ARHGAP24: variants seen among roughly 807,000 people sequenced by gnomAD.
ARHGAP24 encodes rho GTPase-activating protein 24.
A neutral mutation model predicts 76.4 loss-of-function variants in ARHGAP24; 50 were observed. That is an observed-to-expected ratio of 0.65 (90% CI 0.52 to 0.83). The LOEUF (loss-of-function observed/expected upper bound fraction) is 0.83. Among genes scored for constraint, ARHGAP24 ranks in the 40% least tolerant of loss-of-function variants. The pLI is 0.00. For synonymous variants in ARHGAP24, 345 were observed against 323.3 expected, an observed-to-expected ratio of 1.07 and a Z score of -0.72; for missense variants, 930 against 914.2, an observed-to-expected ratio of 1.02 and a Z score of -0.22.
chr4:85,859,207 A>T (rs1419742696), intron 3 of ARHGAP24, among the ~76,000 whole-genome samples: 5 of 101,858 alleles, frequency 4.9e-5, no homozygotes, highest in African/African-American at 1.3e-4. Context: ...ACATAGCCAC[A>T]TGCATACACA....
chr4:85,633,594 A>G (rs1721227180), intron 2 of ARHGAP24, among the ~76,000 whole-genome samples: 3 of 152,056 alleles, frequency 2.0e-5, no homozygotes, highest in South Asian at 4.1e-4. Context: ...TAGCGGAGTG[A>G]TATTTACAAT....
chr4:85,788,632 A>G (rs1727968525), intron 3 of ARHGAP24, among the ~76,000 whole-genome samples: 1 of 152,192 alleles, frequency 6.6e-6, no homozygotes, highest in Non-Finnish European at 1.5e-5. Context: ...TATATTTCAT[A>G]CAAATTCTGG....
At chr4:85,632,731 G>C (rs1257740534) in intron 2 of ARHGAP24, among the ~76,000 whole-genome samples, 1 of 151,894 alleles carries the variant, frequency 6.6e-6, no homozygotes. Context: ...GCCTCTCCAA[G>C]CTCCATTTTG....
intron 2 of ARHGAP24, among the ~76,000 whole-genome samples, chr4:85,596,769 G>A (rs923730464): frequency 6.6e-6 from 1 of 151,970 alleles, no homozygotes; most frequent in Non-Finnish European, 1.5e-5. Flanking sequence ...TCTAAAAAAA[G>A]AAGCTATTAC....
intron 2 of ARHGAP24, among the ~76,000 whole-genome samples, chr4:85,614,687 C>A (rs1213297294): frequency 6.6e-6 from 1 of 152,050 alleles, no homozygotes; most frequent in South Asian, 2.1e-4. Context: ...TTTTAGCCAT[C>A]TTAATTAGTA....
chr4:85,698,461 A>G (rs919166456), intron 2 of ARHGAP24, among the ~76,000 whole-genome samples: 1 of 152,238 alleles, frequency 6.6e-6, no homozygotes, highest in African/African-American at 2.4e-5. Flanking sequence ...TTTGGGAGGC[A>G]CTATAAATTG....
chr4:85,588,903 T>C (rs1727972956), intron 2 of ARHGAP24, among the ~76,000 whole-genome samples: 1 of 152,248 alleles, frequency 6.6e-6, no homozygotes, highest in East Asian at 1.9e-4. Context: ...ATGAAGTTTC[T>C]AATTTAATGT....
intron 2 of ARHGAP24, among the ~76,000 whole-genome samples, chr4:85,651,178 C>A (rs1480617440): frequency 1.3e-5 from 2 of 149,154 alleles, no homozygotes; most frequent in African/African-American, 5.2e-5. Flanking sequence ...AGAGGCAGGC[C>A]TGAGATCATG....
intron 1 of ARHGAP24, among the ~76,000 whole-genome samples, chr4:85,553,404 T>G (rs919276586): frequency 6.6e-6 from 1 of 152,048 alleles, no homozygotes; most frequent in Admixed American, 6.6e-5. Context: ...CCATTTTACA[T>G]AGTGCTGATT....
At chr4:85,788,745 T>C (rs1167682847) in intron 3 of ARHGAP24, among the ~76,000 whole-genome samples, 2 of 152,164 alleles carry the variant, frequency 1.3e-5, no homozygotes, top group Non-Finnish European at 2.9e-5. Context: ...CTCAAAAGGA[T>C]TGTTGCTTGG....
chr4:85,541,849 TCAAA>T (rs1725718088), intron 1 of ARHGAP24, among the ~76,000 whole-genome samples: 1 of 152,058 alleles, frequency 6.6e-6, no homozygotes, highest in Non-Finnish European at 1.5e-5. Flanking sequence ...GAGTTGGACC[TCAAA>T]CAATGAGCTT....
chr4:85,542,441 C>T (rs1342966253), intron 1 of ARHGAP24, among the ~76,000 whole-genome samples: 3 of 152,178 alleles, frequency 2.0e-5, no homozygotes, highest in African/African-American at 7.2e-5. Flanking sequence ...CATCTTTCTC[C>T]TCTCAGTCCC....
intron 1 of ARHGAP24, among the ~76,000 whole-genome samples, chr4:85,514,061 C>G (rs777373229): frequency 2.6e-5 from 4 of 152,168 alleles, no homozygotes; most frequent in Non-Finnish European, 4.4e-5. Context: ...TGTGGAATGA[C>G]CCATTTAAAG....
intron 3 of ARHGAP24, among the ~76,000 whole-genome samples, chr4:85,885,868 C>A (rs954417327): frequency 1.3e-5 from 2 of 151,990 alleles, no homozygotes; most frequent in African/African-American, 2.4e-5. Flanking sequence ...TATTTATTAT[C>A]TTTTATAACT....
chr4:85,595,454 T>A (rs2109984129), intron 2 of ARHGAP24, among the ~76,000 whole-genome samples: 1 of 152,234 alleles, frequency 6.6e-6, no homozygotes, highest in South Asian at 2.1e-4. Context: ...AAGCCAAGCT[T>A]ACCTATGTTG....
At chr4:85,675,839 A>G (rs936150447) in intron 2 of ARHGAP24, among the ~76,000 whole-genome samples, 1 of 152,178 alleles carries the variant, frequency 6.6e-6, no homozygotes, top group African/African-American at 2.4e-5. Flanking sequence ...ACTCAAAGTC[A>G]TCAGGCAGGA....
chr4:85,976,909 A>G (rs1193171881), intron 7 of ARHGAP24, among the ~76,000 whole-genome samples: 1 of 151,528 alleles, frequency 6.6e-6, no homozygotes, highest in Admixed American at 6.6e-5. Flanking sequence ...CAGCCTCCCA[A>G]GTAGCTGGGA....
chr4:85,984,848 A>G (rs1739886377), intron 8 of ARHGAP24, among the ~76,000 whole-genome samples: 1 of 152,146 alleles, frequency 6.6e-6, no homozygotes, highest in Admixed American at 6.5e-5. Flanking sequence ...TTCAAGATGG[A>G]GTCTCACTCT....
intron 3 of ARHGAP24, among the ~76,000 whole-genome samples, chr4:85,766,868 T>G (rs1726949078): frequency 6.6e-6 from 1 of 152,190 alleles, no homozygotes; most frequent in African/African-American, 2.4e-5. Flanking sequence ...AATACAGTCA[T>G]GCACTGCATA....
Sources: allele counts gnomAD v4.1 joint callset (sites outside exome capture counted in the v4.1 genomes callset), GRCh38; gene constraint gnomAD v4.1.1; transcripts MANE v1.5; gene names NCBI Gene and HGNC (gene_info 2026-07-23, HGNC 2026-07-21).